PAPPA2: variants seen among roughly 807,000 people sequenced by gnomAD.
PAPPA2 encodes the protein pappalysin-2.
Under a neutral mutation model 176.4 loss-of-function variants are expected in PAPPA2, and 86 were observed. The observed-to-expected ratio is 0.49, with a 90% confidence interval of 0.41 to 0.58. The LOEUF (loss-of-function observed/expected upper bound fraction) is 0.58. PAPPA2 is among the 20% of genes least tolerant of loss of function. The pLI, the probability that PAPPA2 is intolerant of heterozygous loss-of-function variation, is 0.00. For missense variants in PAPPA2, 2,073 were observed against 2,256.9 expected (o/e 0.92, Z 1.65); for synonymous variants, 809 against 852.2 (o/e 0.95, Z 0.88).
Position 176,831,086 on chromosome 1 carries a change from T to A in PAPPA2, c.5203-9087T>A, listed in dbSNP as rs534489127. Among the ~76,000 whole-genome samples the A allele has an allele frequency of 5.9e-5, 9 of 152,002 alleles. No homozygotes were observed. In the South Asian group the frequency reaches 1.9e-3, roughly 32 times the overall value. ...GAGGGGTAGACAAAAGTTTTTTCGGTTTTTGTTTGTTTGTTTTAGGACATG... is the reference window on the plus strand; with the variant it reads ...GAGGGGTAGACAAAAGTTTTTTCGGATTTTGTTTGTTTGTTTTAGGACATG... On this transcript the variant is annotated intron_variant, in intron 21 of 22. Coordinates refer to ENST00000367662, the MANE Select transcript of PAPPA2 (RefSeq NM_020318.3).
chr1:176,757,033 G>A (rs1663461166), intron 14 of PAPPA2, among the ~76,000 whole-genome samples: 1 of 152,172 alleles, frequency 6.6e-6, no homozygotes, highest in Admixed American at 6.6e-5. Context: ...CAAAGGACAT[G>A]AACTCATCCT....
In PAPPA2 at chr1:176,810,399, C is replaced by T. The variant is rs527845459; in HGVS notation, c.5202+10267C>T. ...AAGACAATTTTTCCATGGACAGTGT[C>T]GGTGGGGGGAGTTTCAGGATAAAAC... is the stretch of plus-strand genomic sequence containing the variant. On this transcript the variant is annotated intron_variant, in intron 21 of 22. Transcript: ENST00000367662. 3.3e-5 allele frequency among the ~76,000 whole-genome samples: 5 copies of T among 152,156 alleles called. No individual in the cohort carries two copies. In the South Asian group the frequency reaches 6.2e-4, roughly 19 times the overall value.
intron 1 of PAPPA2, among the ~76,000 whole-genome samples, chr1:176,538,723 TA>T (rs1650212946): frequency 6.6e-6 from 1 of 152,166 alleles, no homozygotes; most frequent in South Asian, 2.1e-4. Context: ...CAATCTCCTT[TA>T]AAAGTTTCTT....
chr1:176,561,139 C>A (rs1232277971), intron 2 of PAPPA2, among the ~76,000 whole-genome samples: 3 of 152,146 alleles, frequency 2.0e-5, no homozygotes, highest in Non-Finnish European at 4.4e-5. Context: ...GGGCTGTGGT[C>A]TTCAGCGATC....
chr1:176,543,280 C>T (rs1388029255), intron 1 of PAPPA2, among the ~76,000 whole-genome samples: 1 of 152,152 alleles, frequency 6.6e-6, no homozygotes, highest in Non-Finnish European at 1.5e-5. Context: ...GCTGTCCTGT[C>T]CATGCTGTCC....
At chr1:176,485,743 ATCTT>A (rs1466289591) in intron 1 of PAPPA2, among the ~76,000 whole-genome samples, 1 of 152,168 alleles carries the variant, frequency 6.6e-6, no homozygotes, top group African/African-American at 2.4e-5. Flanking sequence ...TTTATCCTCT[ATCTT>A]CTTAAATTCA....
chr1:176,681,610 A>G (rs1468746821), intron 4 of PAPPA2, among the ~76,000 whole-genome samples: 1 of 152,192 alleles, frequency 6.6e-6, no homozygotes, highest in Non-Finnish European at 1.5e-5. Context: ...TTCAATAAAT[A>G]TGAGCTTTTG....
intron 17 of PAPPA2, among the ~76,000 whole-genome samples, chr1:176,783,392 A>G (rs1173760527): frequency 2.0e-5 from 3 of 152,158 alleles, no homozygotes; most frequent in East Asian, 3.9e-4. Flanking sequence ...AAACCCTACA[A>G]TGGTGATAGA....
Position 176,765,709 on chromosome 1 carries a change from T to C in PAPPA2, c.4195T>C (p.Leu1399=), listed in dbSNP as rs1001017486. The C allele has an allele frequency of 1.9e-6, 3 of 1,613,988 alleles. No homozygotes were observed. Among genetic ancestry groups the C allele is most frequent in the South Asian group, 1.1e-5 (1 of 91,088 alleles). Residue 1399 remains leucine, a synonymous_variant, in exon 15 of 23, where the codon TTG becomes CTG. Coordinates refer to ENST00000367662, the MANE Select transcript of PAPPA2 (RefSeq NM_020318.3). ...PCGKQDSCPS[L]LLDHADVVNC... ...TGGGAAGCAGGACAGCTGTCCGTCA[T>C]TGCTGCTTGATCATGCTGATGTGGT... is the stretch of plus-strand genomic sequence containing the variant.
intron 12 of PAPPA2, among the ~76,000 whole-genome samples, chr1:176,722,063 A>G (rs952656715): frequency 6.6e-6 from 1 of 152,084 alleles, no homozygotes; most frequent in Non-Finnish European, 1.5e-5. Context: ...TGTATTTTTA[A>G]CTTTAGAATG....
chr1:176,656,791 A>T (rs1392199151), intron 3 of PAPPA2, among the ~76,000 whole-genome samples: 1 of 151,654 alleles, frequency 6.6e-6, no homozygotes, highest in Non-Finnish European at 1.5e-5. Flanking sequence ...TTTCACACAC[A>T]CACACACACA....
At position 176,791,491 on chromosome 1, in the gene PAPPA2, A is replaced by G. The variant is rs371031520; in HGVS notation, c.5020+9A>G. 6.1e-5 allele frequency: 98 copies of G among 1,608,244 alleles called. No homozygotes were observed. The highest frequency in any genetic ancestry group is 7.9e-5 in the Non-Finnish European group (93 of 1,177,272). ...ACAAGGATATGGGATTGGTAAGGAT[A>G]GGAGTGAATCTTAAAGTCAATTTCT... is the stretch of plus-strand genomic sequence containing the variant. On this transcript the variant is annotated intron_variant, in intron 19 of 22. Transcript: ENST00000367662.
intron 3 of PAPPA2, among the ~76,000 whole-genome samples, chr1:176,615,312 T>C (rs1039176094): frequency 1.7e-4 from 26 of 152,076 alleles, no homozygotes; most frequent in African/African-American, 4.6e-4. Flanking sequence ...ATGGAGGTTT[T>C]GTTTTGTTTT....
intron 21 of PAPPA2, among the ~76,000 whole-genome samples, chr1:176,835,326 G>A (rs1229246927): frequency 1.3e-5 from 2 of 152,096 alleles, no homozygotes; most frequent in Non-Finnish European, 2.9e-5. Flanking sequence ...TAATCTTCAA[G>A]GTGTCATCTA....
chr1:176,620,704 TCACCAGATAATAGTTATCTGTTG>T (rs1299766085), intron 3 of PAPPA2, among the ~76,000 whole-genome samples: 1 of 152,186 alleles, frequency 6.6e-6, no homozygotes. Flanking sequence ...TTAATCTGTC[TCACCAGATAATAGTTATCTGTTG>T]CTGAATAATG....
chr1:176,813,942 T>A lies in PAPPA2; in HGVS notation c.5202+13810T>A, dbSNP rs539973009. ...ATCTTACATTTAAGTTTTTAATCCA[T>A]CTTCTGTTAATTTTTGTATATGGTG... On this transcript the variant is annotated intron_variant, in intron 21 of 22. Coordinates refer to ENST00000367662, the MANE Select transcript of PAPPA2 (RefSeq NM_020318.3). Among the ~76,000 whole-genome samples, 5 of 152,340 alleles carry A rather than the reference T, an allele frequency of 3.3e-5. No individual in the cohort carries two copies. In the South Asian group the frequency reaches 1.0e-3, roughly 32 times the overall value.
intron 14 of PAPPA2, among the ~76,000 whole-genome samples, chr1:176,746,762 A>G (rs1165323297): frequency 1.3e-5 from 2 of 152,192 alleles, no homozygotes; most frequent in African/African-American, 4.8e-5. Flanking sequence ...TTTGCCTTGA[A>G]CTATAACTTA....
intron 12 of PAPPA2, among the ~76,000 whole-genome samples, chr1:176,727,985 G>A (rs536925515): frequency 1.7e-4 from 26 of 151,834 alleles, no homozygotes; most frequent in African/African-American, 6.0e-4. Flanking sequence ...GAAATTTGTG[G>A]ATGCAATTAA....
chr1:176,655,290 C>CT (rs1370940988), intron 3 of PAPPA2, among the ~76,000 whole-genome samples: 1 of 151,694 alleles, frequency 6.6e-6, no homozygotes, highest in Non-Finnish European at 1.5e-5. Flanking sequence ...GTGATGTTGA[C>CT]TTTTTTCAAA....
Sources: allele counts gnomAD v4.1 joint callset (sites outside exome capture counted in the v4.1 genomes callset), GRCh38; gene constraint gnomAD v4.1.1; transcripts MANE v1.5; gene names NCBI Gene and HGNC (gene_info 2026-07-23, HGNC 2026-07-21).